Variants in WWOX observed in about 807,000 individuals in gnomAD.
The protein encoded by WWOX is WW domain-containing oxidoreductase.
A neutral mutation model predicts 46.2 loss-of-function variants in WWOX; 69 were observed. That is an observed-to-expected ratio of 1.49 (90% CI 1.23 to 1.82). WWOX has a LOEUF of 1.82. Among genes scored for constraint, WWOX ranks in the 40% most tolerant of loss-of-function variants. WWOX has a pLI of 0.00. For synonymous variants in WWOX, 359 were observed against 202.6 expected (o/e 1.77, Z -6.56); for missense variants, 919 against 542.6 (o/e 1.69, Z -6.89).
intron 8 of WWOX, among the ~76,000 whole-genome samples, chr16:78,767,961 A>G (rs918425606): frequency 1.3e-5 from 2 of 152,106 alleles, no homozygotes; most frequent in African/African-American, 4.8e-5. Context: ...GGACTGTGCT[A>G]ATGTCTTCTA....
intron 8 of WWOX, among the ~76,000 whole-genome samples, chr16:78,924,954 G>T (rs900779869): frequency 6.6e-6 from 1 of 152,116 alleles, no homozygotes; most frequent in Non-Finnish European, 1.5e-5. Context: ...CAGCACTTTG[G>T]GGGGCCAAGG....
intron 8 of WWOX, among the ~76,000 whole-genome samples, chr16:79,168,126 A>G (rs578049163): frequency 9.9e-5 from 15 of 152,200 alleles, no homozygotes; most frequent in African/African-American, 3.4e-4. Flanking sequence ...TTATCTGTTC[A>G]TCCATTGATG....
intron 8 of WWOX, among the ~76,000 whole-genome samples, chr16:78,563,244 CT>C (rs1323487348): frequency 6.6e-6 from 1 of 152,182 alleles, no homozygotes; most frequent in Non-Finnish European, 1.5e-5. Flanking sequence ...TTTGACAATA[CT>C]TTCCTTTCAG....
rs1158363083 is a variant in WWOX at position 78,370,778 on chromosome 16, C to CT, written c.517-16072dup. 1.0e-4 allele frequency among the ~76,000 whole-genome samples: 4 copies of CT among 39,080 alleles called. No individual in the cohort carries two copies. In the East Asian group the frequency reaches 1.7e-3, roughly 17 times the overall value. The allele number at this position is 39,080 out of a possible 152,430, so 25.6% of individuals were successfully genotyped here. A position where few individuals can be genotyped will look rare whatever the true frequency, so the allele number is the denominator to read the frequency against. ...AACTTTTAAACTTTAAACTTTTTTT[C>CT]TTTTTTTTTTGGGGGGGGGGGGGCA... On this transcript the variant is annotated intron_variant, in intron 5 of 8. Coordinates refer to ENST00000566780, the MANE Select transcript of WWOX (RefSeq NM_016373.4).
chr16:78,561,921 C>G (rs560193498), intron 8 of WWOX, among the ~76,000 whole-genome samples: 1 of 152,244 alleles, frequency 6.6e-6, no homozygotes. Context: ...CTTAACGTCT[C>G]TATCTAATTT....
At chr16:78,142,419 T>G (rs934845218) in intron 4 of WWOX, among the ~76,000 whole-genome samples, 23 of 152,186 alleles carry the variant, frequency 1.5e-4, no homozygotes, top group African/African-American at 5.1e-4. Context: ...TGTAAAAACA[T>G]TATCAAGCTG....
intron 8 of WWOX, among the ~76,000 whole-genome samples, chr16:78,910,287 C>G (rs116889096): frequency 0.012 from 1,848 of 152,178 alleles, 45 homozygotes; most frequent in South Asian, 0.028. Context: ...TGATCATGGA[C>G]TCACATGACA....
intron 8 of WWOX, among the ~76,000 whole-genome samples, chr16:79,178,727 G>A (rs1485766209): frequency 2.0e-5 from 3 of 152,140 alleles, no homozygotes; most frequent in Non-Finnish European, 2.9e-5. Context: ...CCTACCTAAT[G>A]CTCTTCCTGG....
At chr16:78,328,605 C>A (rs542175664) in intron 5 of WWOX, among the ~76,000 whole-genome samples, 1 of 152,040 alleles carries the variant, frequency 6.6e-6, no homozygotes, top group African/African-American at 2.4e-5. Flanking sequence ...TAAATAAGAT[C>A]GAATGTGGAA....
intron 8 of WWOX, among the ~76,000 whole-genome samples, chr16:79,190,113 C>T (rs1361534913): frequency 6.6e-6 from 1 of 151,546 alleles, no homozygotes; most frequent in African/African-American, 2.4e-5. Context: ...CAACCTCAGT[C>T]TCCCAGGTTA....
At chr16:78,827,557 G>T (rs934306595) in intron 8 of WWOX, among the ~76,000 whole-genome samples, 1 of 152,144 alleles carries the variant, frequency 6.6e-6, no homozygotes, top group Non-Finnish European at 1.5e-5. Flanking sequence ...AAGGGGCTGG[G>T]TGTGGTAGCT....
intron 8 of WWOX, among the ~76,000 whole-genome samples, chr16:78,956,584 C>G (rs185153246): frequency 1.1e-4 from 16 of 152,152 alleles, no homozygotes; most frequent in Non-Finnish European, 2.2e-4. Context: ...ATGTATCTAT[C>G]ATACATCATA....
At chr16:78,820,664 A>G (rs892127435) in intron 8 of WWOX, among the ~76,000 whole-genome samples, 7 of 152,088 alleles carry the variant, frequency 4.6e-5, no homozygotes, top group African/African-American at 1.7e-4. Context: ...TTTAATACCA[A>G]CCATGCCACG....
chr16:79,034,692 A>C (rs1292599744), intron 8 of WWOX, among the ~76,000 whole-genome samples: 1 of 151,676 alleles, frequency 6.6e-6, no homozygotes, highest in African/African-American at 2.4e-5. Context: ...TTTTTTTTCA[A>C]AGCACTTAAT....
At chr16:78,347,510 C>T (rs980663820) in intron 5 of WWOX, among the ~76,000 whole-genome samples, 1 of 117,862 alleles carries the variant, frequency 8.5e-6, no homozygotes, top group East Asian at 1.9e-4. Context: ...TCCTCGACAC[C>T]CACACCTCTT....
intron 8 of WWOX, among the ~76,000 whole-genome samples, chr16:78,848,930 G>A (rs749709749): frequency 6.6e-6 from 1 of 152,060 alleles, no homozygotes; most frequent in African/African-American, 2.4e-5. Flanking sequence ...TTTTTCTGCT[G>A]GTTGTGATCA....
rs558782941 is a variant in WWOX, at chr16:78,842,870, G to C, written c.1057-368738G>C. On this transcript the variant is annotated intron_variant, in intron 8 of 8. Coordinates refer to ENST00000566780, the MANE Select transcript of WWOX (RefSeq NM_016373.4). ...CCTATCTCAAATAAAAATAAAAATAGAATACAAGGGGGGATAAAGATAGAC... is the reference window on the plus strand; with the variant it reads ...CCTATCTCAAATAAAAATAAAAATACAATACAAGGGGGGATAAAGATAGAC... 4.0e-5 allele frequency among the ~76,000 whole-genome samples: 6 copies of C among 149,764 alleles called. 1 individual carries two copies. In the South Asian group the frequency reaches 1.3e-3, roughly 33 times the overall value.
At chr16:78,882,934 G>A (rs1030537423) in intron 8 of WWOX, among the ~76,000 whole-genome samples, 1 of 152,096 alleles carries the variant, frequency 6.6e-6, no homozygotes, top group Non-Finnish European at 1.5e-5. Flanking sequence ...CCAGGAACCG[G>A]CACCAGCGAT....
At chr16:78,711,852 C>T (rs1019546263) in intron 8 of WWOX, among the ~76,000 whole-genome samples, 2 of 152,088 alleles carry the variant, frequency 1.3e-5, no homozygotes, top group South Asian at 2.1e-4. Context: ...ACAATTATTC[C>T]GTAAACACAT....
Sources: allele counts gnomAD v4.1 joint callset (sites outside exome capture counted in the v4.1 genomes callset), GRCh38; gene constraint gnomAD v4.1.1; transcripts MANE v1.5; gene names NCBI Gene and HGNC (gene_info 2026-07-23, HGNC 2026-07-21).